The following KCNAB2 variants were observed in gnomAD, a reference collection of about 807,000 sequenced individuals.
KCNAB2 encodes potassium voltage-gated channel subfamily A regulatory beta subunit 2.
KCNAB2 carries 29 observed loss-of-function variants against 63.6 expected under a neutral mutation model. The observed-to-expected ratio is 0.46, with a 90% confidence interval of 0.34 to 0.62. The LOEUF (loss-of-function observed/expected upper bound fraction) is 0.62. KCNAB2 is among the 20% of genes least tolerant of loss of function. The pLI, the probability that KCNAB2 is intolerant of heterozygous loss-of-function variation, is 0.01. For synonymous variants in KCNAB2, 222 were observed against 224.2 expected (o/e 0.99, Z 0.09); for missense variants, 359 against 563.9 (o/e 0.64, Z 3.68).
intron 6 of KCNAB2, chr1:6,085,907 C>T: frequency 1.0e-6 from 1 of 985,794 alleles, no homozygotes; most frequent in East Asian, 1.1e-4. Context: ...AAGTGGTCCC[C>T]TCCAGCACAG....
chr1:6,099,750 A>C lies in KCNAB2; in HGVS notation c.*1176A>C. The C allele has an allele frequency of 6.9e-7, 1 of 1,455,860 alleles. No individual in the cohort carries two copies. Among genetic ancestry groups the C allele is most frequent in the Non-Finnish European group, 9.1e-7 (1 of 1,102,850 alleles). The allele number at this position is 1,455,860 out of a possible 1,614,324, so 90.2% of individuals were successfully genotyped here. On this transcript the variant is annotated 3_prime_UTR_variant, in exon 16 of 16. Transcript: ENST00000378083. The stretch of plus-strand genomic sequence containing the variant: ...CCCCCACAATGTAGGAAAAGACCTC[A>C]GGGAACCTCTCCCTGGAAAGACGGG...
chr1:6,045,071 C>G (rs529191951), upstream of KCNAB2, among the ~76,000 whole-genome samples: 1 of 152,140 alleles, frequency 6.6e-6, no homozygotes, highest in Non-Finnish European at 1.5e-5. The surrounding 1 kb of genome is among the most constrained non-coding windows in gnomAD (Gnocchi z 4.8). Flanking sequence ...CCAAGGCCTT[C>G]GCAGCTAGTC....
intron 1 of KCNAB2, among the ~76,000 whole-genome samples, chr1:6,007,105 C>T (rs910275511): frequency 6.6e-6 from 1 of 152,136 alleles, no homozygotes; most frequent in Non-Finnish European, 1.5e-5. Context: ...CCGACCTCTC[C>T]GAGGCTGCCA....
intron 2 of KCNAB2, among the ~76,000 whole-genome samples, chr1:6,062,184 C>T (rs2100596537): frequency 6.6e-6 from 1 of 152,198 alleles, no homozygotes; most frequent in South Asian, 2.1e-4. Context: ...CGCGGTGGCA[C>T]ATGCCTGTAA....
rs1039761502 is a variant in KCNAB2, at chr1:6,074,902, C to T, written c.300+1132C>T. On this transcript the variant is annotated intron_variant, in intron 4 of 15. Transcript: ENST00000378083. The surrounding 1 kb of genome is among the most constrained non-coding windows in gnomAD (Gnocchi z 4.9). ...CCAGAAGGGGGAGGTTGCAGTGAGC[C>T]GAGATCATATCACTGCACTCCAGCC... 2.7e-5 allele frequency among the ~76,000 whole-genome samples: 4 copies of T among 149,368 alleles called. No individual in the cohort carries two copies. The highest frequency in any genetic ancestry group is 2.0e-4 in the East Asian group (1 of 5,076).
intron 11 of KCNAB2, 88 bp downstream of exon 11, chr1:6,094,573 G>C: frequency 1.8e-6 from 2 of 1,112,332 alleles, no homozygotes; most frequent in Non-Finnish European, 2.6e-6. Flanking sequence ...GGCGGGGTCT[G>C]TGCCTTTGGT....
Position 6,069,148 on chromosome 1 carries a change from G to A in KCNAB2, c.219-3607G>A, listed in dbSNP as rs967354048. On this transcript the variant is annotated intron_variant, in intron 2 of 15. Coordinates refer to ENST00000378083, the MANE Select transcript of KCNAB2 (RefSeq NM_001199862.2). The surrounding 1 kb of genome is among the most constrained non-coding windows in gnomAD (Gnocchi z 5.4). Reference sequence around the variant, plus strand: ...CTGTCCTTAGGGAGCCTGGAATCTCGGAGCAGGGCAGGCGTGCAAACATCA... The same window carrying A: ...CTGTCCTTAGGGAGCCTGGAATCTCAGAGCAGGGCAGGCGTGCAAACATCA... 5.3e-5 allele frequency among the ~76,000 whole-genome samples: 8 copies of A among 152,170 alleles called. No homozygotes were observed. Among genetic ancestry groups the A allele is most frequent in the Non-Finnish European group, 8.8e-5 (6 of 68,020 alleles).
At chr1:6,030,936 G>GTT (rs1227141993), upstream of KCNAB2, among the ~76,000 whole-genome samples, 6 of 151,680 alleles carry the variant, frequency 4.0e-5, no homozygotes, top group Non-Finnish European at 5.9e-5. Context: ...GGGTGTGTGT[G>GTT]TGTGTGTGTG....
chr1:6,068,854 G>C (rs189244891), intron 2 of KCNAB2, among the ~76,000 whole-genome samples: 64 of 152,270 alleles, frequency 4.2e-4, no homozygotes, highest in African/African-American at 1.5e-3. Flanking sequence ...CCAGTGACAC[G>C]CACAGTCCAC....
At chr1:6,084,672 C>T (rs1166324620) in intron 5 of KCNAB2, among the ~76,000 whole-genome samples, 7 of 152,154 alleles carry the variant, frequency 4.6e-5, no homozygotes, top group East Asian at 3.9e-4. Flanking sequence ...AAAAATTAGC[C>T]GGGCGTGGTG....
rs966855091 is a variant in KCNAB2, at chr1:6,098,134, G to A, written c.1159-351G>A. 1.4e-4 allele frequency: 142 copies of A among 1,049,252 alleles called. No individual in the cohort carries two copies. The African/African-American group carries it at 2.1e-3, about 16-fold the overall frequency. The allele number at this position is 1,049,252 out of a possible 1,614,324, so 65.0% of individuals were successfully genotyped here. A position where few individuals can be genotyped will look rare whatever the true frequency, so the allele number is the denominator to read the frequency against. ...GTGTGTCACCCGGAAGGGTGGCGGTGCTGTATGCTGAGGCAGGCGCAGCTG... is the reference window on the plus strand; with the variant it reads ...GTGTGTCACCCGGAAGGGTGGCGGTACTGTATGCTGAGGCAGGCGCAGCTG... On this transcript the variant is annotated intron_variant, in intron 15 of 15. Coordinates refer to ENST00000378083, the MANE Select transcript of KCNAB2 (RefSeq NM_001199862.2).
intron 1 of KCNAB2, among the ~76,000 whole-genome samples, chr1:6,004,640 A>G (rs573347951): frequency 1.4e-5 from 2 of 145,518 alleles, no homozygotes; most frequent in African/African-American, 5.1e-5. Flanking sequence ...CTCTTTTTAT[A>G]TGGACACTTG....
At chr1:6,001,367 CCACCAGCCCT>C (rs1386719523) in intron 1 of KCNAB2, among the ~76,000 whole-genome samples, 1 of 152,020 alleles carries the variant, frequency 6.6e-6, no homozygotes, top group Non-Finnish European at 1.5e-5. Flanking sequence ...AGAGCCTGTG[CCACCAGCCCT>C]CATTCTCTGC....
intron 3 of KCNAB2, 119 bp downstream of exon 3, chr1:6,072,917 A>T: frequency 2.3e-6 from 2 of 860,552 alleles, no homozygotes; most frequent in Non-Finnish European, 3.6e-6. Flanking sequence ...CTCCCCAGGG[A>T]GTAGCTGCAC....
At chr1:6,055,940 G>T (rs377741352) in intron 2 of KCNAB2, among the ~76,000 whole-genome samples, 1 of 152,214 alleles carries the variant, frequency 6.6e-6, no homozygotes, top group African/African-American at 2.4e-5. Context: ...CTGGGGATAG[G>T]CACTGCCCGG....
intron 1 of KCNAB2, among the ~76,000 whole-genome samples, chr1:5,998,090 G>A (rs1327255280): frequency 6.6e-6 from 1 of 152,254 alleles, no homozygotes; most frequent in Non-Finnish European, 1.5e-5. Context: ...GCAGAGCTAG[G>A]AAAGGATGGT....
intron 4 of KCNAB2, among the ~76,000 whole-genome samples, chr1:6,077,545 G>A (rs1663769621): frequency 6.6e-6 from 1 of 152,202 alleles, no homozygotes; most frequent in African/African-American, 2.4e-5. Context: ...CTGCTGATCC[G>A]GCTGTCTGCA....
In KCNAB2 at chr1:6,099,714, C is replaced by T; in HGVS notation, c.*1140C>T. ...CTGTGCCCATGACTTGGGGGCTGCA[C>T]CCCCACAGCACCCCCACAATGTAGG... On this transcript the variant is annotated 3_prime_UTR_variant, in exon 16 of 16. Coordinates refer to ENST00000378083, the MANE Select transcript of KCNAB2 (RefSeq NM_001199862.2). 1 of 1,423,914 alleles carries T rather than the reference C, an allele frequency of 7.0e-7. No individual in the cohort carries two copies. Among genetic ancestry groups the T allele is most frequent in the Non-Finnish European group, 9.2e-7 (1 of 1,081,438 alleles). The allele number at this position is 1,423,914 out of a possible 1,614,324, so 88.2% of individuals were successfully genotyped here. A position where few individuals can be genotyped will look rare whatever the true frequency, so the allele number is the denominator to read the frequency against.
At chr1:6,043,418 C>A (rs1001383137), upstream of KCNAB2, among the ~76,000 whole-genome samples, 2 of 152,204 alleles carry the variant, frequency 1.3e-5, no homozygotes, top group African/African-American at 2.4e-5. Flanking sequence ...TTGTCCCCCC[C>A]GCCGGGATCC....
Sources: allele counts gnomAD v4.1 joint callset (sites outside exome capture counted in the v4.1 genomes callset), GRCh38; gene constraint gnomAD v4.1.1; non-coding constraint Gnocchi (gnomAD v3.1); transcripts MANE v1.5; gene names NCBI Gene and HGNC (gene_info 2026-07-23, HGNC 2026-07-21).